The following GULP1 variants were observed in gnomAD, a reference collection of about 807,000 sequenced individuals.
GULP1 encodes the protein PTB domain-containing engulfment adapter protein 1.
In GULP1, 19 loss-of-function variants were observed where a neutral mutation model predicts 40.9. The observed-to-expected ratio is 0.46, with a 90% CI of 0.32 to 0.68. The LOEUF is 0.68. GULP1 is among the 30% of genes least tolerant of loss of function. The pLI, the probability that GULP1 is intolerant of heterozygous loss-of-function variation, is 0.03. For synonymous variants in GULP1, 119 were observed against 117.6 expected, an observed-to-expected ratio of 1.01 and a Z score of -0.08; for missense variants, 312 against 362.2, an observed-to-expected ratio of 0.86 and a Z score of 1.12.
chr2:188,456,748 T>C (rs540126848), intron 2 of GULP1, among the ~76,000 whole-genome samples: 1 of 152,198 alleles, frequency 6.6e-6, no homozygotes, highest in African/African-American at 2.4e-5. Context: ...CAGAATGATA[T>C]ATCTGCTGAG....
chr2:188,467,172 G>A (rs1210040524), intron 2 of GULP1, among the ~76,000 whole-genome samples: 1 of 152,110 alleles, frequency 6.6e-6, no homozygotes, highest in Admixed American at 6.5e-5. Context: ...TCAAGAATTG[G>A]AGTTAGGAGG....
chr2:188,561,591 G>T (rs1389323362), intron 7 of GULP1, among the ~76,000 whole-genome samples: 2 of 152,182 alleles, frequency 1.3e-5, no homozygotes, highest in Non-Finnish European at 2.9e-5. Context: ...TGGGGTCTGT[G>T]CTGGGCAGGC....
intron 7 of GULP1, among the ~76,000 whole-genome samples, chr2:188,545,945 C>G (rs1016040611): frequency 6.6e-6 from 1 of 151,672 alleles, no homozygotes. Context: ...ATATTTACAT[C>G]AGATAAAGTA....
chr2:188,411,358 G>T (rs1461020151), intron 2 of GULP1, among the ~76,000 whole-genome samples: 1 of 152,186 alleles, frequency 6.6e-6, no homozygotes, highest in East Asian at 1.9e-4. Context: ...CTCTGCTGCT[G>T]ACAAATTGGG....
chr2:188,592,594 T>C (rs1703787813), intron 11 of GULP1: 1 of 152,034 alleles, frequency 6.6e-6, no homozygotes, highest in Non-Finnish European at 1.5e-5. Flanking sequence ...TCACAATGAT[T>C]ACATCACTGT....
chr2:188,549,355 T>G (rs1174492673), intron 7 of GULP1, among the ~76,000 whole-genome samples: 2 of 151,856 alleles, frequency 1.3e-5, no homozygotes, highest in Non-Finnish European at 2.9e-5. Flanking sequence ...AAGATGCATT[T>G]CATTGAAGAG....
intron 2 of GULP1, among the ~76,000 whole-genome samples, chr2:188,431,815 A>T (rs2056903563): frequency 6.6e-6 from 1 of 151,996 alleles, no homozygotes; most frequent in Non-Finnish European, 1.5e-5. Context: ...TTCTGTTTTT[A>T]AGCTTTCTTG....
intron 2 of GULP1, among the ~76,000 whole-genome samples, chr2:188,384,837 C>G (rs2049465345): frequency 6.6e-6 from 1 of 152,222 alleles, no homozygotes; most frequent in Non-Finnish European, 1.5e-5. Context: ...CCAAAATGAT[C>G]TCCTTTGATG....
intron 4 of GULP1, among the ~76,000 whole-genome samples, chr2:188,499,506 A>G (rs1575617968): frequency 6.6e-6 from 1 of 151,708 alleles, no homozygotes; most frequent in East Asian, 2.0e-4. Flanking sequence ...GCAAAGTGTC[A>G]TGTCTCTGCT....
intron 1 of GULP1, among the ~76,000 whole-genome samples, chr2:188,346,360 G>A (rs2043644134): frequency 6.6e-6 from 1 of 152,200 alleles, no homozygotes; most frequent in Non-Finnish European, 1.5e-5. Context: ...GCTTATTACA[G>A]TAGTTGTTTA....
chr2:188,584,052 AT>A (rs1701857419), intron 9 of GULP1, among the ~76,000 whole-genome samples: 1 of 152,130 alleles, frequency 6.6e-6, no homozygotes, highest in South Asian at 2.1e-4. Flanking sequence ...TTTTACAGAA[AT>A]TTTCTATTGC....
chr2:188,368,767 C>A lies in GULP1; in HGVS notation c.-171-14996C>A, dbSNP rs2047144836. On this transcript the variant is annotated intron_variant, in intron 1 of 11. Transcript: ENST00000409830. The stretch of plus-strand genomic sequence containing the variant: ...TTATTGCTTTGAATTAGCTATAGAA[C>A]AGTTATGTATAAATGAAAAACATAT... Among the ~76,000 whole-genome samples, 3 of 151,216 alleles carry A rather than the reference C, an allele frequency of 2.0e-5. No individual in the cohort carries two copies. In the South Asian group the frequency reaches 6.2e-4, roughly 31 times the overall value.
chr2:188,507,755 A>G (rs966319621), intron 4 of GULP1, among the ~76,000 whole-genome samples: 21 of 152,020 alleles, frequency 1.4e-4, no homozygotes, highest in Non-Finnish European at 7.4e-5. Flanking sequence ...TACATAGTTC[A>G]TTAATTACCA....
intron 7 of GULP1, among the ~76,000 whole-genome samples, chr2:188,558,224 A>G (rs1165571676): frequency 6.6e-6 from 1 of 152,008 alleles, no homozygotes; most frequent in East Asian, 1.9e-4. Flanking sequence ...CATAATACCC[A>G]TATGTTGTGG....
chr2:188,361,797 C>G (rs961077057), intron 1 of GULP1, among the ~76,000 whole-genome samples: 1 of 152,032 alleles, frequency 6.6e-6, no homozygotes, highest in Non-Finnish European at 1.5e-5. Context: ...GACAACTATC[C>G]TGTTCTAATG....
chr2:188,362,657 G>A (rs2046248291), intron 1 of GULP1, among the ~76,000 whole-genome samples: 1 of 152,104 alleles, frequency 6.6e-6, no homozygotes, highest in African/African-American at 2.4e-5. Flanking sequence ...TTTTCACAAA[G>A]GAGTAACTAC....
At chr2:188,327,403 C>G (rs2040904140) in intron 1 of GULP1, among the ~76,000 whole-genome samples, 1 of 152,052 alleles carries the variant, frequency 6.6e-6, no homozygotes, top group African/African-American at 2.4e-5. Context: ...GGGAACATTT[C>G]TTTGGGGGAA....
chr2:188,451,375 A>T lies in GULP1; in HGVS notation c.-44-26284A>T, dbSNP rs143408165. On this transcript the variant is annotated intron_variant, in intron 2 of 11. Transcript: ENST00000409830. ...TAAATGAATGTTAATAGGAAAAAAA[A>T]AGTAAAGCATTGGAAACATGAGAAA... Among the ~76,000 whole-genome samples, 1,141 of 152,320 alleles carry T rather than the reference A, an allele frequency of 7.5e-3. 11 individuals are homozygous for T. Among genetic ancestry groups the T allele is most frequent in the Non-Finnish European group, 0.014 (929 of 68,024 alleles).
chr2:188,341,680 A>AT (rs1461835319), intron 1 of GULP1, among the ~76,000 whole-genome samples: 1 of 152,214 alleles, frequency 6.6e-6, no homozygotes, highest in Non-Finnish European at 1.5e-5. Context: ...GATAACATTT[A>AT]TTCAGAGCTT....
Sources: gnomAD v4.1 joint callset for allele counts (sites outside exome capture counted in the v4.1 genomes callset) on GRCh38, gnomAD v4.1.1 for gene constraint, MANE v1.5 for transcripts, NCBI Gene and HGNC (gene_info 2026-07-23, HGNC 2026-07-21) for gene names.